Variants in SCARA5 observed in about 807,000 individuals in gnomAD.
SCARA5 encodes the protein scavenger receptor class A, member 5 (putative).
SCARA5 carries 45 observed loss-of-function variants against 46.3 expected under a neutral mutation model. The ratio of observed to expected loss-of-function variants is 0.97; its 90% CI spans 0.76 to 1.24. SCARA5 has a LOEUF of 1.24. Among genes scored for constraint, SCARA5 ranks in the 50% most tolerant of loss-of-function variants. The probability of loss-of-function intolerance (pLI) is 0.00; values close to 1 mark genes in which losing one functional copy is unlikely to be tolerated. For synonymous variants in SCARA5, 333 were observed against 306.5 expected (o/e 1.09, Z -0.90); for missense variants, 680 against 689.0 (o/e 0.99, Z 0.15).
At chr8:27,944,672 G>C (rs1365561710) in intron 3 of SCARA5, among the ~76,000 whole-genome samples, 3 of 148,580 alleles carry the variant, frequency 2.0e-5, no homozygotes, top group Non-Finnish European at 1.5e-5. Flanking sequence ...GACCAGCCTG[G>C]CCAACATGGT....
intron 7 of SCARA5, among the ~76,000 whole-genome samples, chr8:27,892,750 C>T (rs938179607): frequency 2.6e-5 from 4 of 152,022 alleles, no homozygotes; most frequent in East Asian, 1.9e-4. Flanking sequence ...GGACCACAGG[C>T]GCCCGCCACC....
At chr8:27,979,251 A>C (rs1000056635) in intron 2 of SCARA5, among the ~76,000 whole-genome samples, 3 of 152,018 alleles carry the variant, frequency 2.0e-5, no homozygotes, top group Non-Finnish European at 4.4e-5. Flanking sequence ...GACAGAAAAA[A>C]CAGAAGCACT....
chr8:27,888,875 G>A (rs573445253), intron 7 of SCARA5, among the ~76,000 whole-genome samples: 2 of 152,322 alleles, frequency 1.3e-5, no homozygotes, highest in African/African-American at 2.4e-5. Context: ...CACAGGGCAG[G>A]AGACTGGCTC....
chr8:27,879,879 C>G, intron 7 of SCARA5, 113 bp from the exon 8 acceptor site: 4 of 986,410 alleles, frequency 4.1e-6, no homozygotes, highest in Non-Finnish European at 6.0e-6. Context: ...GGCTGGGGCC[C>G]AGCTGTATCA....
At chr8:27,981,944 G>C (rs1808622217) in intron 2 of SCARA5, among the ~76,000 whole-genome samples, 1 of 152,058 alleles carries the variant, frequency 6.6e-6, no homozygotes, top group Non-Finnish European at 1.5e-5. Flanking sequence ...CCCATCTTTG[G>C]GCAGCAGCCC....
chr8:27,936,209 G>A (rs1807855127), intron 3 of SCARA5, among the ~76,000 whole-genome samples: 1 of 152,088 alleles, frequency 6.6e-6, no homozygotes, highest in Non-Finnish European at 1.5e-5. Context: ...TCCGCTGGGG[G>A]CTCTAGGGCA....
At chr8:27,989,575 A>T (rs750488769) in intron 1 of SCARA5, among the ~76,000 whole-genome samples, 1 of 152,184 alleles carries the variant, frequency 6.6e-6, no homozygotes, top group Non-Finnish European at 1.5e-5. Flanking sequence ...CCTTCTGTAC[A>T]TCCCCCATAA....
intron 7 of SCARA5, among the ~76,000 whole-genome samples, chr8:27,897,291 G>A (rs771900224): frequency 1.8e-4 from 28 of 152,156 alleles, no homozygotes; most frequent in Admixed American, 1.2e-3. Flanking sequence ...GACTCAATCC[G>A]CAGAGCCCAC....
At chr8:27,933,718 G>C (rs1031694468) in intron 3 of SCARA5, among the ~76,000 whole-genome samples, 2 of 152,018 alleles carry the variant, frequency 1.3e-5, no homozygotes, top group Non-Finnish European at 2.9e-5. Flanking sequence ...TTATTATTAG[G>C]AAAATTTTCA....
In SCARA5 at chr8:27,871,688, G is replaced by A; in HGVS notation, c.*246C>T. 7.3e-7 allele frequency: 1 copy of A among 1,376,610 alleles called. No homozygotes were observed. Among genetic ancestry groups the A allele is most frequent in the Admixed American group, 3.0e-5 (1 of 33,172 alleles). 85.3% of individuals were successfully genotyped at this position (1,376,610 alleles called of 1,614,324 possible). On this transcript the variant is annotated 3_prime_UTR_variant, in exon 9 of 9. Transcript: ENST00000354914. ...CAAAGTGGTGATCCAGTTGATCAGG[G>A]CTCCTCATGCAGGAACCTGGTGGAA...
At chr8:27,982,349 G>C (rs1008188227) in intron 2 of SCARA5, among the ~76,000 whole-genome samples, 3 of 149,470 alleles carry the variant, frequency 2.0e-5, no homozygotes, top group African/African-American at 4.9e-5. Flanking sequence ...GCTGCATATC[G>C]GGGAAACCAA....
chr8:27,986,381 C>T (rs1412606953), intron 2 of SCARA5, among the ~76,000 whole-genome samples: 2 of 152,196 alleles, frequency 1.3e-5, no homozygotes, highest in Non-Finnish European at 2.9e-5. Context: ...GGCAGTTGTT[C>T]CCATGCCAGC....
intron 3 of SCARA5, among the ~76,000 whole-genome samples, chr8:27,954,349 A>C (rs1363652722): frequency 6.6e-6 from 1 of 152,106 alleles, no homozygotes; most frequent in Non-Finnish European, 1.5e-5. Flanking sequence ...GGAAATTGAG[A>C]GAATGTGTAC....
intron 4 of SCARA5, among the ~76,000 whole-genome samples, chr8:27,918,461 TG>T (rs35168403): frequency 0.76 from 114,750 of 150,848 alleles, 44,150 homozygotes; most frequent in African/African-American, 0.87. Context: ...CTAGAAAGGT[TG>T]GGGGGGGTTC....
chr8:27,966,960 G>A (rs1808378832), intron 2 of SCARA5, among the ~76,000 whole-genome samples: 1 of 152,210 alleles, frequency 6.6e-6, no homozygotes, highest in African/African-American at 2.4e-5. Context: ...GGGAAGGTAT[G>A]GGAATGAGAG....
chr8:27,886,879 C>T (rs78616526), intron 7 of SCARA5, among the ~76,000 whole-genome samples: 4,111 of 152,248 alleles, frequency 0.027, 209 homozygotes, highest in African/African-American at 0.094. Context: ...CAGCCTGGTC[C>T]GTGACTTCCC....
At chr8:27,965,147 A>T (rs1189361653) in intron 3 of SCARA5, among the ~76,000 whole-genome samples, 1 of 152,038 alleles carries the variant, frequency 6.6e-6, no homozygotes, top group African/African-American at 2.4e-5. Flanking sequence ...CTCCACCCCA[A>T]TGTCTTTGCC....
intron 2 of SCARA5, among the ~76,000 whole-genome samples, chr8:27,972,182 C>T (rs1220184726): frequency 1.3e-5 from 2 of 151,630 alleles, no homozygotes; most frequent in Non-Finnish European, 1.5e-5. Context: ...CTGGGCATGG[C>T]GGCAGGCACC....
intron 7 of SCARA5, among the ~76,000 whole-genome samples, chr8:27,891,170 A>G (rs1806974332): frequency 6.6e-6 from 1 of 151,554 alleles, no homozygotes. Context: ...ACATGTCTGT[A>G]TAGATGTGAA....
Sources: allele counts gnomAD v4.1 joint callset (sites outside exome capture counted in the v4.1 genomes callset), GRCh38; gene constraint gnomAD v4.1.1; transcripts MANE v1.5; gene names NCBI Gene and HGNC (gene_info 2026-07-23, HGNC 2026-07-21).